The following DRG1 variants were observed in gnomAD, a reference collection of about 807,000 sequenced individuals.
DRG1 encodes the protein developmentally regulated GTP binding protein 1, also known as developmentally-regulated GTP-binding protein 1.
In DRG1, 19 loss-of-function variants were observed where a neutral mutation model predicts 38.8. The observed-to-expected ratio is 0.49, with a 90% confidence interval of 0.34 to 0.72. DRG1 has a LOEUF of 0.72. DRG1 is among the 30% of genes least tolerant of loss of function. The probability of loss-of-function intolerance (pLI) is 0.01; values close to 1 mark genes in which losing one functional copy is unlikely to be tolerated. For missense variants in DRG1, 299 were observed against 444.8 expected (o/e 0.67, Z 2.95); for synonymous variants, 167 against 157.5 (o/e 1.06, Z -0.45).
intron 4 of DRG1, among the ~76,000 whole-genome samples, chr22:31,414,091 T>G (rs1189590780): frequency 1.3e-5 from 2 of 152,208 alleles, no homozygotes; most frequent in Non-Finnish European, 2.9e-5. Flanking sequence ...TTGCTTGATC[T>G]GCCCCATCAT....
chr22:31,417,851 G>A (rs1382270191), intron 4 of DRG1, among the ~76,000 whole-genome samples: 1 of 147,446 alleles, frequency 6.8e-6, no homozygotes, highest in Non-Finnish European at 1.5e-5. Flanking sequence ...TTAGCTAGGA[G>A]TGGTGGTCCA....
At chr22:31,433,272 A>ATTTTTT (rs695603) in intron 8 of DRG1, among the ~76,000 whole-genome samples, 5,288 of 132,406 alleles carry the variant, frequency 0.04, 122 homozygotes, top group African/African-American at 0.048. Flanking sequence ...TTAAAGACGG[A>ATTTTTT]TTTTTTTTTT....
intron 1 of DRG1, among the ~76,000 whole-genome samples, 168 bp downstream of exon 1, chr22:31,399,893 ACT>A (rs1905216787): frequency 6.6e-6 from 1 of 151,160 alleles, no homozygotes; most frequent in African/African-American, 2.4e-5. Context: ...GGAGTCCCCG[ACT>A]CTCCTCAGTC....
At chr22:31,400,797 G>T in intron 2 of DRG1, 54 bp downstream of exon 2, 2 of 1,568,460 alleles carry the variant, frequency 1.3e-6, no homozygotes, top group Non-Finnish European at 1.7e-6. Flanking sequence ...TGTCAAAATA[G>T]TACATACATG....
At chr22:31,420,462 G>A in intron 5 of DRG1, 37 bp downstream of exon 5, 1 of 1,612,402 alleles carries the variant, frequency 6.2e-7, no homozygotes, top group African/African-American at 1.3e-5. Flanking sequence ...GGCTGCTGCA[G>A]GAATTGGAAT....
At chr22:31,406,109 C>T (rs1422314490) in intron 3 of DRG1, among the ~76,000 whole-genome samples, 2 of 150,674 alleles carry the variant, frequency 1.3e-5, no homozygotes, top group Non-Finnish European at 2.9e-5. Context: ...TCAAGTGATT[C>T]TCCTGCCTCA....
At chr22:31,427,480 C>T (rs2050117018) in intron 8 of DRG1, among the ~76,000 whole-genome samples, 1 of 152,168 alleles carries the variant, frequency 6.6e-6, no homozygotes, top group South Asian at 2.1e-4. Flanking sequence ...TCACACTGGC[C>T]TCTACTGGGT....
At chr22:31,432,110 G>T (rs1177022171) in intron 8 of DRG1, among the ~76,000 whole-genome samples, 5 of 147,234 alleles carry the variant, frequency 3.4e-5, no homozygotes, top group African/African-American at 7.6e-5. Context: ...GTCTTGTTCT[G>T]TTGCCGCCCA....
intron 8 of DRG1, among the ~76,000 whole-genome samples, chr22:31,428,433 T>TC (rs2050122512): frequency 1.3e-5 from 2 of 151,828 alleles, no homozygotes; most frequent in Admixed American, 1.3e-4. Context: ...CAGGATGGTC[T>TC]TGATCTCCTG....
chr22:31,421,630 G>A (rs1253790805), intron 5 of DRG1, among the ~76,000 whole-genome samples: 12 of 152,004 alleles, frequency 7.9e-5, no homozygotes, highest in Admixed American at 7.9e-4. Context: ...CCAGCACTTT[G>A]GGAGGTTGAG....
At chr22:31,412,352 CTTTTTTTTTTT>C (rs539328480) in intron 4 of DRG1, among the ~76,000 whole-genome samples, 2 of 127,290 alleles carry the variant, frequency 1.6e-5, no homozygotes, top group Admixed American at 8.3e-5. Context: ...TTCTTTCTTT[CTTTTTTTTTTT>C]TTTTTGAGAT....
At chr22:31,414,047 G>C (rs764021675) in intron 4 of DRG1, among the ~76,000 whole-genome samples, 11 of 152,146 alleles carry the variant, frequency 7.2e-5, no homozygotes, top group Non-Finnish European at 1.5e-4. Flanking sequence ...TGCTTTACCT[G>C]ATCTCTGACA....
At chr22:31,426,053 T>C (rs1030627502) in intron 6 of DRG1, among the ~76,000 whole-genome samples, 5 of 152,306 alleles carry the variant, frequency 3.3e-5, no homozygotes, top group Admixed American at 3.3e-4. Flanking sequence ...TACCAATAAA[T>C]AAAACACTTA....
rs1223391338 is a variant in DRG1, at chr22:31,400,661, A to G, written c.84A>G (p.Leu28=). The G allele has an allele frequency of 6.2e-7, 1 of 1,613,472 alleles. No homozygotes were observed. The highest frequency in any genetic ancestry group is 8.5e-7 in the Non-Finnish European group (1 of 1,179,594). The part of the protein sequence containing the change: ...TQKNKATAHH[L]GLLKARLAKL... ...AGAACAAGGCCACAGCACACCACTT[A>G]GGGCTGCTTAAGGCTCGTCTTGCTA... Residue 28 remains leucine (L), a synonymous_variant, in exon 2 of 9, where the codon TTA becomes TTG. Transcript: ENST00000331457.
chr22:31,400,600 C>A lies in DRG1; in HGVS notation c.43-20C>A. On this transcript the variant is annotated intron_variant, in intron 1 of 8. Transcript: ENST00000331457. ...AGCGTTCACTGCTTCTAATTTATGG[C>A]TGTGATTCCTCCCTTTTAGATGGCT... is the stretch of plus-strand genomic sequence containing the variant. The A allele has an allele frequency of 6.2e-7, 1 of 1,608,778 alleles. No homozygotes were observed. Among genetic ancestry groups the A allele is most frequent in the Non-Finnish European group, 8.5e-7 (1 of 1,176,900 alleles).
intron 8 of DRG1, 54 bp from the exon 9 acceptor site, chr22:31,433,818 G>C (rs1304239207): frequency 5.2e-6 from 8 of 1,542,106 alleles, no homozygotes; most frequent in Non-Finnish European, 5.4e-6. Context: ...CAGGCAAATA[G>C]GGCAGAAGCT....
At chr22:31,399,853 C>T (rs1258610038) in intron 1 of DRG1, 128 bp downstream of exon 1, 4 of 1,411,070 alleles carry the variant, frequency 2.8e-6, no homozygotes, top group Admixed American at 3.6e-5. Flanking sequence ...TCAGCGAGGC[C>T]CGTGTTCCGA....
chr22:31,407,040 C>T (rs2049992993), intron 3 of DRG1, among the ~76,000 whole-genome samples: 1 of 152,092 alleles, frequency 6.6e-6, no homozygotes, highest in East Asian at 1.9e-4. Context: ...GATGTTTTCT[C>T]TTGGTTAGAC....
At chr22:31,403,702 T>G (rs534865986) in intron 3 of DRG1, among the ~76,000 whole-genome samples, 1 of 151,136 alleles carries the variant, frequency 6.6e-6, no homozygotes, top group African/African-American at 2.4e-5. Context: ...CAGGCTGGTC[T>G]CGAACTCCTG....
Sources: allele counts gnomAD v4.1 joint callset (sites outside exome capture counted in the v4.1 genomes callset), GRCh38; gene constraint gnomAD v4.1.1; transcripts MANE v1.5; gene names NCBI Gene and HGNC (gene_info 2026-07-23, HGNC 2026-07-21).